The following CSMD1 variants were observed in gnomAD, a reference collection of about 807,000 sequenced individuals.
CSMD1 encodes CUB and sushi domain-containing protein 1.
Under a neutral mutation model 417.5 loss-of-function variants are expected in CSMD1, and 213 were observed. That is an observed-to-expected ratio of 0.51 (90% CI 0.46 to 0.57). The LOEUF is 0.57. Ranked by LOEUF, CSMD1 falls within the 20% of genes least tolerant of loss-of-function variation. The pLI, the probability that CSMD1 is intolerant of heterozygous loss-of-function variation, is 0.00. For synonymous variants in CSMD1, 2,862 were observed against 1,736.8 expected (o/e 1.65, Z -16.11); for missense variants, 6,923 against 4,529.7 (o/e 1.53, Z -15.17).
At chr8:3,910,373 A>G (rs962575857) in intron 5 of CSMD1, among the ~76,000 whole-genome samples, 1 of 152,204 alleles carries the variant, frequency 6.6e-6, no homozygotes, top group African/African-American at 2.4e-5. Context: ...CACAGAATGC[A>G]CCAGGAAGAG....
intron 1 of CSMD1, among the ~76,000 whole-genome samples, chr8:4,648,492 AAC>A (rs914479602): frequency 4.6e-5 from 7 of 151,912 alleles, no homozygotes; most frequent in Non-Finnish European, 8.8e-5. Context: ...CATGCACACA[AAC>A]ACACACACAC....
At chr8:4,335,092 G>C (rs887668903) in intron 3 of CSMD1, among the ~76,000 whole-genome samples, 3 of 152,196 alleles carry the variant, frequency 2.0e-5, no homozygotes, top group African/African-American at 4.8e-5. Context: ...TGTAGAGACA[G>C]AGCCACACAA....
At chr8:3,307,243 C>T (rs71521838) in intron 25 of CSMD1, among the ~76,000 whole-genome samples, 5,911 of 151,954 alleles carry the variant, frequency 0.039, 178 homozygotes, top group Non-Finnish European at 0.056. Context: ...CTGCTACAAC[C>T]CTCCCACCGT....
chr8:3,555,397 G>C (rs1485671423), intron 10 of CSMD1, among the ~76,000 whole-genome samples: 4 of 152,130 alleles, frequency 2.6e-5, no homozygotes, highest in Non-Finnish European at 4.4e-5. Context: ...TAAGAATTTA[G>C]CCAAATCATC....
Position 4,344,287 on chromosome 8 carries a change from G to A in CSMD1, c.415+75666C>T, listed in dbSNP as rs376652219. ...TTCATTCAATTGTTCATTCTGTCAT[G>A]TGTCTAGTTTAACAAAACATTTCAG... On this transcript the variant is annotated intron_variant, in intron 3 of 69. Transcript: ENST00000635120. Among the ~76,000 whole-genome samples the A allele has an allele frequency of 3.3e-5, 5 of 152,180 alleles. No homozygotes were observed. The East Asian group carries it at 7.8e-4, about 24-fold the overall frequency.
At chr8:4,526,215 C>A (rs145496728) in intron 2 of CSMD1, among the ~76,000 whole-genome samples, 7 of 152,106 alleles carry the variant, frequency 4.6e-5, no homozygotes, top group African/African-American at 1.4e-4. Context: ...TTATTTCATG[C>A]GCTACATTTG....
At chr8:3,955,184 G>C (rs1018473017) in intron 5 of CSMD1, among the ~76,000 whole-genome samples, 2 of 152,132 alleles carry the variant, frequency 1.3e-5, no homozygotes, top group Admixed American at 6.5e-5. Flanking sequence ...TCCACCACCC[G>C]TGACCACGTG....
chr8:4,077,119 G>T (rs1470292617), intron 3 of CSMD1, among the ~76,000 whole-genome samples: 1 of 151,588 alleles, frequency 6.6e-6, no homozygotes, highest in African/African-American at 2.4e-5. Context: ...TTTTAGTGAT[G>T]AGTATGATGA....
chr8:4,975,508 A>C (rs921681729), intron 1 of CSMD1, among the ~76,000 whole-genome samples: 23 of 152,302 alleles, frequency 1.5e-4, no homozygotes, highest in Middle Eastern at 6.8e-3. Flanking sequence ...TGAAAGCAAA[A>C]GGCCAAATCA....
intron 3 of CSMD1, among the ~76,000 whole-genome samples, chr8:4,182,383 A>G (rs923623328): frequency 1.3e-5 from 2 of 152,146 alleles, no homozygotes; most frequent in African/African-American, 4.8e-5. Flanking sequence ...ATTATCTTTT[A>G]AAACTTATTA....
In CSMD1 at chr8:3,387,542, C is replaced by G. The variant is rs372218942; in HGVS notation, c.2734G>C (p.Val912Leu). The part of the protein sequence containing the change: ...GYTLSDDEPL[V>L]CERNHQWNHA... ...TTCCACTGGTGGTTCCTCTCACAGA[C>G]GAGGGGCTCGTCGTCACTTAGTGTG... Residue 912 changes from valine to leucine, a missense_variant, in exon 18 of 70, where the codon GTC becomes CTC. Transcript: ENST00000635120. 1 of 1,601,872 alleles carries G rather than the reference C, an allele frequency of 6.2e-7. No homozygotes were observed. Among genetic ancestry groups the G allele is most frequent in the Non-Finnish European group, 8.5e-7 (1 of 1,174,188 alleles).
At chr8:4,410,535 A>G (rs1796594496) in intron 3 of CSMD1, among the ~76,000 whole-genome samples, 1 of 152,262 alleles carries the variant, frequency 6.6e-6, no homozygotes, top group African/African-American at 2.4e-5. Context: ...ACTATTAGAC[A>G]TCATCCACTC....
intron 50 of CSMD1, among the ~76,000 whole-genome samples, chr8:3,032,824 C>T (rs1035316896): frequency 9.9e-5 from 15 of 152,040 alleles, no homozygotes; most frequent in African/African-American, 3.1e-4. Flanking sequence ...ATTTCACTTG[C>T]ACACCCTTAA....
intron 2 of CSMD1, among the ~76,000 whole-genome samples, chr8:4,426,536 G>A (rs1168551150): frequency 6.8e-6 from 1 of 146,832 alleles, no homozygotes; most frequent in East Asian, 2.0e-4. Context: ...ATTTTATACT[G>A]TATAATATAT....
At chr8:3,995,746 T>G (rs141994562) in intron 5 of CSMD1, among the ~76,000 whole-genome samples, 1 of 152,152 alleles carries the variant, frequency 6.6e-6, no homozygotes, top group Non-Finnish European at 1.5e-5. Flanking sequence ...TAGGACAATA[T>G]AAGTCATCCC....
intron 3 of CSMD1, among the ~76,000 whole-genome samples, chr8:4,383,077 T>C (rs563399815): frequency 6.6e-6 from 1 of 152,158 alleles, no homozygotes; most frequent in South Asian, 2.1e-4. Context: ...AGCTGCTCCA[T>C]GATTAAGCAA....
At chr8:3,531,142 T>C (rs935459958) in intron 10 of CSMD1, among the ~76,000 whole-genome samples, 35 of 152,226 alleles carry the variant, frequency 2.3e-4, no homozygotes, top group African/African-American at 7.7e-4. Context: ...ATTACAGGTG[T>C]GAGCCACCAC....
At chr8:3,938,179 A>G (rs995969641) in intron 5 of CSMD1, among the ~76,000 whole-genome samples, 23 of 152,188 alleles carry the variant, frequency 1.5e-4, no homozygotes, top group Non-Finnish European at 3.1e-4. Context: ...AAAGTTGGGC[A>G]TTGACATTGC....
chr8:4,114,662 A>G (rs10093241), intron 3 of CSMD1, among the ~76,000 whole-genome samples: 16,096 of 152,292 alleles, frequency 0.11, 1,055 homozygotes, highest in East Asian at 0.31. Flanking sequence ...GCTAGATGCC[A>G]TTAAGAAAAA....
Sources: allele counts gnomAD v4.1 joint callset (sites outside exome capture counted in the v4.1 genomes callset), GRCh38; gene constraint gnomAD v4.1.1; transcripts MANE v1.5; gene names NCBI Gene and HGNC (gene_info 2026-07-23, HGNC 2026-07-21).